Variants in SENP7 observed in about 807,000 individuals in gnomAD.
SENP7 encodes sentrin-specific protease 7.
SENP7 carries 64 observed loss-of-function variants against 141.2 expected under a neutral mutation model. That is an observed-to-expected ratio of 0.45 (90% confidence interval 0.37 to 0.56). SENP7 has a LOEUF of 0.56. SENP7 is among the 20% of genes least tolerant of loss of function. The pLI is 0.00. For missense variants in SENP7, 1,025 were observed against 1,212.2 expected (o/e 0.85, Z 2.29); for synonymous variants, 382 against 426.4 (o/e 0.90, Z 1.28).
At chr3:101,495,241 CA>C (rs1232984585) in intron 2 of SENP7, among the ~76,000 whole-genome samples, 1 of 151,966 alleles carries the variant, frequency 6.6e-6, no homozygotes, top group African/African-American at 2.4e-5. Flanking sequence ...ATTAAAAAGT[CA>C]AAAAACAACA....
chr3:101,331,743 T>C (rs891468657), intron 19 of SENP7, among the ~76,000 whole-genome samples: 5 of 152,132 alleles, frequency 3.3e-5, no homozygotes, highest in African/African-American at 1.2e-4. Flanking sequence ...TTTTGTATGT[T>C]TGAAATATTT....
chr3:101,387,723 T>C (rs1282702714), intron 6 of SENP7, among the ~76,000 whole-genome samples: 1 of 152,088 alleles, frequency 6.6e-6, no homozygotes, highest in Non-Finnish European at 1.5e-5. Flanking sequence ...CTTAAGTCAT[T>C]ACCCCCATGA....
chr3:101,344,373 C>T (rs1182378024), intron 13 of SENP7, among the ~76,000 whole-genome samples: 1 of 152,228 alleles, frequency 6.6e-6, no homozygotes, highest in Admixed American at 6.5e-5. Context: ...TGAAGACATT[C>T]TCTTCCCACA....
At chr3:101,454,225 T>G (rs2063265794) in intron 4 of SENP7, among the ~76,000 whole-genome samples, 1 of 152,196 alleles carries the variant, frequency 6.6e-6, no homozygotes, top group Non-Finnish European at 1.5e-5. Flanking sequence ...CATATGTATG[T>G]CTAAGAATGG....
chr3:101,356,460 T>C (rs2059745149), intron 11 of SENP7, among the ~76,000 whole-genome samples: 1 of 152,182 alleles, frequency 6.6e-6, no homozygotes, highest in South Asian at 2.1e-4. Flanking sequence ...AGGAAACAAG[T>C]ACATTTTCAA....
At chr3:101,333,417 A>T (rs2107129041) in intron 17 of SENP7, 1 of 152,782 alleles carries the variant, frequency 6.5e-6, no homozygotes, top group East Asian at 1.9e-4. Context: ...GGTGACACAC[A>T]CCAATAATCA....
At chr3:101,484,703 G>C (rs141479821) in intron 3 of SENP7, among the ~76,000 whole-genome samples, 2 of 152,326 alleles carry the variant, frequency 1.3e-5, no homozygotes, top group African/African-American at 2.4e-5. Flanking sequence ...TACAGGGGTA[G>C]AGGAAGCAGC....
intron 11 of SENP7, chr3:101,357,314 A>G (rs2059771359): frequency 3.1e-6 from 2 of 638,676 alleles, no homozygotes. Flanking sequence ...TTGCCTGGAC[A>G]CTGCACAGTG....
chr3:101,446,301 G>T (rs905443283), intron 4 of SENP7, among the ~76,000 whole-genome samples: 3 of 152,142 alleles, frequency 2.0e-5, no homozygotes, highest in Non-Finnish European at 4.4e-5. Flanking sequence ...AAATTACCCA[G>T]TCTCAGGTAG....
chr3:101,330,891 G>A (rs2059030714), intron 19 of SENP7, among the ~76,000 whole-genome samples: 1 of 152,124 alleles, frequency 6.6e-6, no homozygotes, highest in African/African-American at 2.4e-5. Flanking sequence ...TTAGGCTACA[G>A]CTATAAAACA....
intron 4 of SENP7, among the ~76,000 whole-genome samples, chr3:101,452,799 G>C (rs540208385): frequency 1.4e-4 from 22 of 152,266 alleles, no homozygotes; most frequent in African/African-American, 5.1e-4. Context: ...CAGGACATAG[G>C]CATGGGCAAG....
At chr3:101,438,118 T>A (rs577960957) in intron 4 of SENP7, among the ~76,000 whole-genome samples, 2 of 152,006 alleles carry the variant, frequency 1.3e-5, no homozygotes, top group Non-Finnish European at 2.9e-5. Flanking sequence ...CCAAAAAAAT[T>A]AAAAACAGTG....
intron 12 of SENP7, among the ~76,000 whole-genome samples, chr3:101,348,252 A>C (rs2059524426): frequency 6.6e-6 from 1 of 152,322 alleles, no homozygotes; most frequent in South Asian, 2.1e-4. Context: ...AAAATAAATC[A>C]CATTACAATT....
rs2063175710 is a variant in SENP7, at chr3:101,452,384, C to T, written c.284+6571G>A. ...AACTACTTTAAAGTTCATATGGAAC[C>T]AAAAAAGAGCCCACATTGCCAAGAC... On this transcript the variant is annotated intron_variant, in intron 4 of 23. Transcript: ENST00000394095. 2.0e-5 allele frequency among the ~76,000 whole-genome samples: 3 copies of T among 151,974 alleles called. No individual in the cohort carries two copies. The South Asian group carries it at 6.2e-4, about 32-fold the overall frequency.
intron 3 of SENP7, among the ~76,000 whole-genome samples, chr3:101,467,056 C>T (rs2063783786): frequency 6.6e-6 from 1 of 152,236 alleles, no homozygotes; most frequent in Non-Finnish European, 1.5e-5. Flanking sequence ...CGGCAGGTCC[C>T]ACGCCCACAA....
intron 3 of SENP7, among the ~76,000 whole-genome samples, chr3:101,487,129 A>G (rs893697212): frequency 1.3e-5 from 2 of 152,144 alleles, no homozygotes; most frequent in African/African-American, 2.4e-5. Context: ...ACAATTACTA[A>G]TAGACCTAAG....
intron 3 of SENP7, among the ~76,000 whole-genome samples, chr3:101,483,099 G>A (rs2064566913): frequency 1.3e-5 from 2 of 152,138 alleles, no homozygotes; most frequent in South Asian, 4.1e-4. Context: ...CTGAGTATAT[G>A]TCCAAAAGAA....
At chr3:101,398,784 G>T in intron 6 of SENP7, 77 bp downstream of exon 6, 1 of 1,053,030 alleles carries the variant, frequency 9.5e-7, no homozygotes. Flanking sequence ...TAGCAATAAT[G>T]TATCTGTGAA....
At chr3:101,454,783 C>CA in intron 4 of SENP7, among the ~76,000 whole-genome samples, 1 of 151,900 alleles carries the variant, frequency 6.6e-6, no homozygotes, top group Non-Finnish European at 1.5e-5. Context: ...ATGAAATGTC[C>CA]AAAAAATCAA....
Sources: allele counts gnomAD v4.1 joint callset (sites outside exome capture counted in the v4.1 genomes callset), GRCh38; gene constraint gnomAD v4.1.1; transcripts MANE v1.5; gene names NCBI Gene and HGNC (gene_info 2026-07-23, HGNC 2026-07-21).